TLE4: variants seen among roughly 807,000 people sequenced by gnomAD.
TLE4 encodes TLE family member 4, transcriptional corepressor, also known as transducin-like enhancer protein 4.
In TLE4, 8 loss-of-function variants were observed where a neutral mutation model predicts 92.8. That is an observed-to-expected ratio of 0.09 (90% CI 0.05 to 0.16). The LOEUF is 0.16. Ranked by LOEUF, TLE4 falls within the 10% of genes least tolerant of loss-of-function variation. The pLI is 1.00. For missense variants in TLE4, 675 were observed against 997.6 expected (o/e 0.68, Z 4.36); for synonymous variants, 371 against 374.1 (o/e 0.99, Z 0.10).
chr9:79,725,180 G>A lies in TLE4; in HGVS notation c.*36G>A, dbSNP rs1251325368. On this transcript the variant is annotated 3_prime_UTR_variant, in exon 20 of 20. Transcript: ENST00000376552. Reference sequence around the variant, plus strand: ...TCATGCAGACTGGACTTCTCCTCCTGGTAGCACTTTGCTCTGTCATCCTTT... The same window carrying A: ...TCATGCAGACTGGACTTCTCCTCCTAGTAGCACTTTGCTCTGTCATCCTTT... The A allele has an allele frequency of 6.7e-7, 1 of 1,493,266 alleles. No homozygotes were observed. Among genetic ancestry groups the A allele is most frequent in the African/African-American group, 1.4e-5 (1 of 72,546 alleles). The allele number at this position is 1,493,266 out of a possible 1,614,324, so 92.5% of individuals were successfully genotyped here. A position where few individuals can be genotyped will look rare whatever the true frequency, so the allele number is the denominator to read the frequency against.
In TLE4 at chr9:79,595,777, A is replaced by G. The variant is rs537734415; in HGVS notation, c.253-16879A>G. On this transcript the variant is annotated intron_variant, in intron 4 of 19. Coordinates refer to ENST00000376552, the MANE Select transcript of TLE4 (RefSeq NM_007005.6). ...GCAGTTTGTGCTTTGGTTAATGCAA[A>G]ACTTGTTTAAATTCTTCTGAGTGCT... Among the ~76,000 whole-genome samples, 17 of 152,186 alleles carry G rather than the reference A, an allele frequency of 1.1e-4. No individual in the cohort carries two copies. The South Asian group carries it at 3.3e-3, about 30-fold the overall frequency.
chr9:79,691,499 C>T (rs144787843), intron 8 of TLE4, among the ~76,000 whole-genome samples: 69 of 152,184 alleles, frequency 4.5e-4, no homozygotes, highest in Admixed American at 1.5e-3. Flanking sequence ...TCAACAGTCC[C>T]CTTCAGTGGC....
intron 8 of TLE4, among the ~76,000 whole-genome samples, chr9:79,660,203 A>G (rs1367183783): frequency 6.6e-6 from 1 of 152,234 alleles, no homozygotes; most frequent in Admixed American, 6.5e-5. Flanking sequence ...TAAGCTGAAT[A>G]TCAATAGACA....
chr9:79,671,405 T>C (rs1049792877), intron 8 of TLE4: 1 of 359,846 alleles, frequency 2.8e-6, no homozygotes, highest in African/African-American at 2.1e-5. Flanking sequence ...TCTCACAGTT[T>C]ACCGTTTTTG....
At chr9:79,685,771 A>T (rs2065718296) in intron 8 of TLE4, among the ~76,000 whole-genome samples, 1 of 152,150 alleles carries the variant, frequency 6.6e-6, no homozygotes, top group Admixed American at 6.6e-5. Flanking sequence ...AGAGTGCATG[A>T]TTTTTGTTTT....
At chr9:79,685,850 G>T (rs151238524) in intron 8 of TLE4, among the ~76,000 whole-genome samples, 12 of 152,158 alleles carry the variant, frequency 7.9e-5, no homozygotes, top group East Asian at 1.9e-4. Context: ...GTATTTTCAC[G>T]TCAGAAGTAA....
At chr9:79,633,197 G>C (rs919088808) in intron 6 of TLE4, among the ~76,000 whole-genome samples, 1 of 152,102 alleles carries the variant, frequency 6.6e-6, no homozygotes, top group Non-Finnish European at 1.5e-5. Flanking sequence ...ATATATTTAA[G>C]TAATTTAAAA....
chr9:79,706,757 C>T lies in TLE4; in HGVS notation c.794C>T (p.Ser265Phe), dbSNP rs1196793583. The T allele has an allele frequency of 6.2e-7, 1 of 1,613,368 alleles. No individual in the cohort carries two copies. Residue 265 changes from serine to phenylalanine, a missense_variant, in exon 11 of 20, where the codon TCC becomes TTC. Transcript: ENST00000376552. ...GATGTTCCTTTGTAGGATCCATCTT[C>T]CCCTCGAGGGAGCCCAGCACATTCC... ...VVDVSNEDPS[S>F]PRGSPAHSPR...
intron 4 of TLE4, among the ~76,000 whole-genome samples, chr9:79,602,512 C>T (rs960206242): frequency 1.3e-5 from 2 of 152,206 alleles, no homozygotes; most frequent in Non-Finnish European, 2.9e-5. Flanking sequence ...TCTACCCTGC[C>T]TGTGTTCTAT....
intron 4 of TLE4, among the ~76,000 whole-genome samples, chr9:79,598,482 C>A (rs1272495643): frequency 6.6e-6 from 1 of 152,112 alleles, no homozygotes; most frequent in African/African-American, 2.4e-5. Flanking sequence ...GCCCCTTTCT[C>A]CTTTGTGTGT....
intron 4 of TLE4, among the ~76,000 whole-genome samples, chr9:79,604,514 A>G (rs1213272517): frequency 6.6e-6 from 1 of 152,132 alleles, no homozygotes; most frequent in African/African-American, 2.4e-5. Flanking sequence ...AATTTTATAT[A>G]ATTGGGAGGA....
At chr9:79,624,917 G>A (rs754487622) in intron 5 of TLE4, among the ~76,000 whole-genome samples, 3 of 151,950 alleles carry the variant, frequency 2.0e-5, no homozygotes, top group Non-Finnish European at 2.9e-5. Context: ...GAATGAATGC[G>A]TGAGTAGAAT....
At chr9:79,652,508 G>A (rs541310417) in intron 6 of TLE4, 85 bp from the exon 7 acceptor site, 8 of 1,512,778 alleles carry the variant, frequency 5.3e-6, no homozygotes, top group Admixed American at 3.4e-5. Context: ...TTTTACTGCC[G>A]ATTTATGCCT....
chr9:79,684,837 G>T (rs1004457673), intron 8 of TLE4, among the ~76,000 whole-genome samples: 15 of 152,164 alleles, frequency 9.9e-5, no homozygotes, highest in Admixed American at 9.8e-4. Flanking sequence ...AAGTCATATG[G>T]CTGAGTCTAG....
intron 6 of TLE4, among the ~76,000 whole-genome samples, chr9:79,634,351 G>A (rs907685852): frequency 6.6e-5 from 10 of 152,098 alleles, no homozygotes; most frequent in African/African-American, 2.4e-4. Flanking sequence ...GGATAACAGA[G>A]TAAAGAGAAA....
rs200485211 is a variant in TLE4 at position 79,614,728 on chromosome 9, G to C, written c.315+2010G>C. Among the ~76,000 whole-genome samples, 8 of 152,256 alleles carry C rather than the reference G, an allele frequency of 5.3e-5. No individual in the cohort carries two copies. In the East Asian group the frequency reaches 1.5e-3, roughly 29 times the overall value. On this transcript the variant is annotated intron_variant, in intron 5 of 19. Coordinates refer to ENST00000376552, the MANE Select transcript of TLE4 (RefSeq NM_007005.6). The stretch of plus-strand genomic sequence containing the variant: ...CCCCAGGGCCTGTGGGCCACATGTG[G>C]CCCAGGATAGCTTTGAAAGTGGCCC...
chr9:79,661,999 C>A (rs1422012695), intron 8 of TLE4, among the ~76,000 whole-genome samples: 2 of 152,180 alleles, frequency 1.3e-5, no homozygotes, highest in Non-Finnish European at 2.9e-5. Flanking sequence ...TACATGTAAT[C>A]CGCTCACGTG....
intron 8 of TLE4, among the ~76,000 whole-genome samples, chr9:79,674,926 C>T (rs2063021607): frequency 6.6e-6 from 1 of 152,166 alleles, no homozygotes; most frequent in Admixed American, 6.5e-5. Flanking sequence ...CTTGTAGCCT[C>T]ATCAGTTTGC....
intron 6 of TLE4, among the ~76,000 whole-genome samples, chr9:79,628,511 G>C: frequency 6.6e-6 from 1 of 151,790 alleles, no homozygotes; most frequent in African/African-American, 2.4e-5. Flanking sequence ...TGATGTTGAG[G>C]GCGCCATAGT....
Sources: allele counts gnomAD v4.1 joint callset (sites outside exome capture counted in the v4.1 genomes callset), GRCh38; gene constraint gnomAD v4.1.1; transcripts MANE v1.5; gene names NCBI Gene and HGNC (gene_info 2026-07-23, HGNC 2026-07-21).